Variants in ARHGAP24 observed in about 807,000 individuals in gnomAD.
The protein encoded by ARHGAP24 is rho GTPase-activating protein 24.
Under a neutral mutation model 76.4 loss-of-function variants are expected in ARHGAP24, and 50 were observed. That is an observed-to-expected ratio of 0.65 (90% CI 0.52 to 0.83). The LOEUF is 0.83. Among genes scored for constraint, ARHGAP24 ranks in the 40% least tolerant of loss-of-function variants. The probability of loss-of-function intolerance (pLI) is 0.00; values close to 1 mark genes in which losing one functional copy is unlikely to be tolerated. For missense variants in ARHGAP24, 930 were observed against 914.2 expected, an observed-to-expected ratio of 1.02 and a Z score of -0.22; for synonymous variants, 345 against 323.3, an observed-to-expected ratio of 1.07 and a Z score of -0.72.
At chr4:85,822,777 T>C (rs972568287) in intron 3 of ARHGAP24, among the ~76,000 whole-genome samples, 1 of 152,216 alleles carries the variant, frequency 6.6e-6, no homozygotes, top group African/African-American at 2.4e-5. Flanking sequence ...TCTTTATATT[T>C]GAATTTATAT....
intron 9 of ARHGAP24, among the ~76,000 whole-genome samples, chr4:85,999,347 A>G (rs1204891114): frequency 6.6e-6 from 1 of 152,234 alleles, no homozygotes; most frequent in African/African-American, 2.4e-5. Context: ...ATTACAAAAT[A>G]TGAAGTATTA....
At chr4:85,502,335 T>C (rs1277649092) in intron 1 of ARHGAP24, among the ~76,000 whole-genome samples, 1 of 152,228 alleles carries the variant, frequency 6.6e-6, no homozygotes, top group African/African-American at 2.4e-5. Flanking sequence ...TTTCATGATA[T>C]TGATTCTTCC....
At chr4:85,579,465 T>G (rs1727516233) in intron 2 of ARHGAP24, among the ~76,000 whole-genome samples, 1 of 151,462 alleles carries the variant, frequency 6.6e-6, no homozygotes, top group Non-Finnish European at 1.5e-5. Context: ...AAATATTTCA[T>G]AGCCATTTGT....
At chr4:85,559,009 A>C (rs71672791) in intron 1 of ARHGAP24, among the ~76,000 whole-genome samples, 2 of 88,330 alleles carry the variant, frequency 2.3e-5, no homozygotes, top group African/African-American at 3.1e-5. Flanking sequence ...GAAAGCTTTC[A>C]TCTTAGCTTA....
intron 2 of ARHGAP24, among the ~76,000 whole-genome samples, chr4:85,715,036 A>T (rs1268741883): frequency 1.3e-5 from 2 of 152,094 alleles, no homozygotes; most frequent in Non-Finnish European, 2.9e-5. Flanking sequence ...TAATTTTCTC[A>T]TTTATAAAAA....
At chr4:85,501,156 G>A (rs1293545979) in intron 1 of ARHGAP24, among the ~76,000 whole-genome samples, 1 of 152,118 alleles carries the variant, frequency 6.6e-6, no homozygotes, top group East Asian at 1.9e-4. Flanking sequence ...CCAAGTCTTT[G>A]CTATTGTGAA....
intron 2 of ARHGAP24, among the ~76,000 whole-genome samples, chr4:85,605,086 A>G (rs1001869464): frequency 2.6e-5 from 4 of 152,212 alleles, no homozygotes; most frequent in African/African-American, 9.6e-5. Flanking sequence ...TTTAGAGAGA[A>G]TGTATTCACT....
intron 3 of ARHGAP24, among the ~76,000 whole-genome samples, chr4:85,787,820 G>A (rs1440960395): frequency 6.6e-6 from 1 of 152,062 alleles, no homozygotes. Context: ...AGTACATGGG[G>A]GACAGAACTG....
intron 1 of ARHGAP24, among the ~76,000 whole-genome samples, chr4:85,515,253 T>C (rs1578196180): frequency 1.3e-5 from 2 of 152,154 alleles, no homozygotes; most frequent in East Asian, 3.8e-4. Flanking sequence ...AACTTTATTT[T>C]CTGAATGATA....
intron 2 of ARHGAP24, among the ~76,000 whole-genome samples, chr4:85,594,780 A>G (rs911514453): frequency 6.6e-6 from 1 of 152,044 alleles, no homozygotes; most frequent in African/African-American, 2.4e-5. Context: ...TCATTCACCA[A>G]TGTCTTTAAA....
At chr4:85,491,834 T>C (rs1411284313) in intron 1 of ARHGAP24, among the ~76,000 whole-genome samples, 1 of 152,160 alleles carries the variant, frequency 6.6e-6, no homozygotes, top group Non-Finnish European at 1.5e-5. Context: ...CTGCTTCATG[T>C]TCTGAATTCT....
rs80062451 is a variant in ARHGAP24 at position 85,684,428 on chromosome 4, G to C, written c.181-37457G>C. Among the ~76,000 whole-genome samples the C allele has an allele frequency of 5.0e-3, 766 of 151,822 alleles. 7 individuals are homozygous for C. Among genetic ancestry groups the C allele is most frequent in the African/African-American group, 0.017 (718 of 41,372 alleles). On this transcript the variant is annotated intron_variant, in intron 2 of 9. Coordinates refer to ENST00000395184, the MANE Select transcript of ARHGAP24 (RefSeq NM_001025616.3). Reference sequence around the variant, plus strand: ...TTCATCCAGAGAAAAAATGCTATATGGTATAATATCTATACATTGCTGCTC... The same window carrying C: ...TTCATCCAGAGAAAAAATGCTATATCGTATAATATCTATACATTGCTGCTC...
intron 5 of ARHGAP24, chr4:85,942,547 G>C: frequency 2.9e-6 from 1 of 346,354 alleles, no homozygotes; most frequent in South Asian, 5.9e-5. Context: ...TTTTGCACTG[G>C]AAAAAGTGAA....
intron 3 of ARHGAP24, among the ~76,000 whole-genome samples, chr4:85,917,370 C>A (rs1340763477): frequency 6.6e-6 from 1 of 151,952 alleles, no homozygotes; most frequent in Non-Finnish European, 1.5e-5. Context: ...CCGCAATAAA[C>A]ATACGTGTGC....
chr4:85,977,460 A>G, intron 7 of ARHGAP24, 110 bp from the exon 8 acceptor site: 2 of 1,259,568 alleles, frequency 1.6e-6, no homozygotes, highest in Admixed American at 2.0e-5. Context: ...TTCTGTCTCC[A>G]TAGTCATCTT....
At chr4:85,746,324 G>T (rs527445585) in intron 3 of ARHGAP24, among the ~76,000 whole-genome samples, 1 of 152,232 alleles carries the variant, frequency 6.6e-6, no homozygotes, top group African/African-American at 2.4e-5. Flanking sequence ...CTTCTTTTGA[G>T]TATCTGACTG....
intron 3 of ARHGAP24, among the ~76,000 whole-genome samples, chr4:85,848,533 A>G (rs1168336910): frequency 2.6e-5 from 4 of 152,182 alleles, no homozygotes; most frequent in Non-Finnish European, 5.9e-5. Context: ...TTATGGCTGC[A>G]TAGTATTCCA....
At chr4:85,798,498 C>A (rs1302195425) in intron 3 of ARHGAP24, among the ~76,000 whole-genome samples, 2 of 152,116 alleles carry the variant, frequency 1.3e-5, no homozygotes. Context: ...CAAAATTCCA[C>A]AGGACTGTAC....
chr4:85,649,811 T>C (rs1477584566), intron 2 of ARHGAP24, among the ~76,000 whole-genome samples: 2 of 152,156 alleles, frequency 1.3e-5, no homozygotes, highest in African/African-American at 4.8e-5. Context: ...GTCCTGCATA[T>C]ATTCAGTAGC....
Sources: allele counts gnomAD v4.1 joint callset (sites outside exome capture counted in the v4.1 genomes callset), GRCh38; gene constraint gnomAD v4.1.1; transcripts MANE v1.5; gene names NCBI Gene and HGNC (gene_info 2026-07-23, HGNC 2026-07-21).